Variants in CAMK1D observed in about 807,000 individuals in gnomAD.
The protein encoded by CAMK1D is calcium/calmodulin dependent protein kinase ID.
Under a neutral mutation model 47.7 loss-of-function variants are expected in CAMK1D, and 9 were observed. That is an observed-to-expected ratio of 0.19 (90% confidence interval 0.11 to 0.33). CAMK1D has a LOEUF of 0.33. Ranked by LOEUF, CAMK1D falls within the 10% of genes least tolerant of loss-of-function variation. The probability of loss-of-function intolerance (pLI) is 1.00; values close to 1 mark genes in which losing one functional copy is unlikely to be tolerated. For synonymous variants in CAMK1D, 184 were observed against 184.9 expected, an observed-to-expected ratio of 0.99 and a Z score of 0.04; for missense variants, 291 against 488.7, an observed-to-expected ratio of 0.60 and a Z score of 3.81.
intron 3 of CAMK1D, among the ~76,000 whole-genome samples, chr10:12,693,634 C>G (rs763014094): frequency 5.3e-5 from 8 of 151,284 alleles, no homozygotes; most frequent in East Asian, 3.9e-4. Flanking sequence ...CCTGTCCCCC[C>G]CTAAAAAAGA....
At chr10:12,636,807 T>C (rs1839524486) in intron 2 of CAMK1D, among the ~76,000 whole-genome samples, 1 of 152,184 alleles carries the variant, frequency 6.6e-6, no homozygotes, top group Non-Finnish European at 1.5e-5. Context: ...CATCTTGCCT[T>C]CTGTCAGTAA....
rs756695615 is a variant in CAMK1D at position 12,349,815 on chromosome 10, G to T, written c.-4G>T. 9 of 1,437,316 alleles carry T rather than the reference G, an allele frequency of 6.3e-6. No individual in the cohort carries two copies. The highest frequency in any genetic ancestry group is 8.3e-6 in the Non-Finnish European group (9 of 1,078,516). The allele number at this position is 1,437,316 out of a possible 1,614,324, so 89.0% of individuals were successfully genotyped here. On this transcript the variant is annotated 5_prime_UTR_variant, in exon 1 of 11. Coordinates refer to ENST00000619168, the MANE Select transcript of CAMK1D (RefSeq NM_153498.4). ...GCCGCTCCTCCGCGCCGCGCTCGTCGGCCATGGCCCGGGAGAACGGCGAGA... is the reference window on the plus strand; with the variant it reads ...GCCGCTCCTCCGCGCCGCGCTCGTCTGCCATGGCCCGGGAGAACGGCGAGA...
At chr10:12,690,500 G>A (rs1564494645) in intron 3 of CAMK1D, among the ~76,000 whole-genome samples, 1 of 152,012 alleles carries the variant, frequency 6.6e-6, no homozygotes, top group African/African-American at 2.4e-5. Context: ...TTATGAGGGG[G>A]GTCAAGTGCC....
intron 3 of CAMK1D, among the ~76,000 whole-genome samples, chr10:12,739,106 G>A (rs947706098): frequency 1.3e-5 from 2 of 151,554 alleles, no homozygotes; most frequent in Non-Finnish European, 2.9e-5. Context: ...GCGTGGTGGT[G>A]TGTACTTGTG....
At chr10:12,476,688 G>A (rs1243624763) in intron 1 of CAMK1D, among the ~76,000 whole-genome samples, 1 of 152,130 alleles carries the variant, frequency 6.6e-6, no homozygotes, top group African/African-American at 2.4e-5. Context: ...GAAACTGGGA[G>A]GATAATTTGA....
rs1833471734 is a variant in CAMK1D at position 12,834,440 on chromosome 10, G to A, written c.*5553G>A. 4 of 152,114 alleles carry A rather than the reference G, an allele frequency of 2.6e-5. No individual in the cohort carries two copies. The allele number at this position is 152,114 out of a possible 1,614,324, so 9.4% of individuals were successfully genotyped here. Reference sequence around the variant, plus strand: ...GCTTTTGCAAACCCAAAAAGGCTGTGCATTTGGAAGCCAAACGCTCAGCAT... The same window carrying A: ...GCTTTTGCAAACCCAAAAAGGCTGTACATTTGGAAGCCAAACGCTCAGCAT... On this transcript the variant is annotated 3_prime_UTR_variant, in exon 11 of 11. Transcript: ENST00000619168.
chr10:12,385,277 C>T (rs1009744656), intron 1 of CAMK1D, among the ~76,000 whole-genome samples: 6 of 152,106 alleles, frequency 3.9e-5, no homozygotes, highest in Non-Finnish European at 8.8e-5. Flanking sequence ...AAAATATGTG[C>T]CCATATGAAA....
rs967156331 is a variant in CAMK1D at position 12,782,107 on chromosome 10, C to T, written c.566-9051C>T. ...CCAACAGAAAAGATCAGAGCTGTCC[C>T]AAAAGCCTTCTGCTCTTCTTCTGTG... On this transcript the variant is annotated intron_variant, in intron 5 of 10. Transcript: ENST00000619168. 3.3e-5 allele frequency among the ~76,000 whole-genome samples: 5 copies of T among 151,990 alleles called. No individual in the cohort carries two copies. The South Asian group carries it at 1.0e-3, about 32-fold the overall frequency.
intron 2 of CAMK1D, among the ~76,000 whole-genome samples, chr10:12,565,435 G>T (rs951342455): frequency 6.6e-6 from 1 of 152,024 alleles, no homozygotes; most frequent in Non-Finnish European, 1.5e-5. Context: ...TGTATTTTTA[G>T]TAGAGACGGG....
At chr10:12,745,525 T>G (rs1835630219) in intron 3 of CAMK1D, among the ~76,000 whole-genome samples, 1 of 151,952 alleles carries the variant, frequency 6.6e-6, no homozygotes, top group South Asian at 2.1e-4. Context: ...CTTACATGAG[T>G]TTTTCAAGTG....
At chr10:12,723,712 A>T (rs534885017) in intron 3 of CAMK1D, among the ~76,000 whole-genome samples, 45 of 152,300 alleles carry the variant, frequency 3.0e-4, no homozygotes, top group African/African-American at 1.1e-3. Flanking sequence ...GCAGTAGTTT[A>T]AAACTCTATT....
At chr10:12,576,110 C>T (rs1837482060) in intron 2 of CAMK1D, among the ~76,000 whole-genome samples, 1 of 152,172 alleles carries the variant, frequency 6.6e-6, no homozygotes, top group African/African-American at 2.4e-5. Flanking sequence ...AAAATGTGAA[C>T]TGCATTGTTC....
chr10:12,411,201 G>A (rs895807036), intron 1 of CAMK1D, among the ~76,000 whole-genome samples: 14 of 152,298 alleles, frequency 9.2e-5, no homozygotes, highest in African/African-American at 2.6e-4. Flanking sequence ...CGACTAGCCC[G>A]CTATGTCATG....
intron 1 of CAMK1D, among the ~76,000 whole-genome samples, chr10:12,393,819 G>T (rs1838835101): frequency 6.6e-6 from 1 of 152,236 alleles, no homozygotes; most frequent in Admixed American, 6.5e-5. Flanking sequence ...TTGACATCAA[G>T]GGCGGGAGGT....
chr10:12,402,312 C>T (rs1839258041), intron 1 of CAMK1D, among the ~76,000 whole-genome samples: 1 of 152,076 alleles, frequency 6.6e-6, no homozygotes. Flanking sequence ...CAGCTCACTT[C>T]AGTCTCTACC....
intron 3 of CAMK1D, among the ~76,000 whole-genome samples, chr10:12,712,234 A>G (rs1324717716): frequency 6.6e-6 from 1 of 152,162 alleles, no homozygotes; most frequent in Non-Finnish European, 1.5e-5. Flanking sequence ...ATAGGAGCTG[A>G]TGTTTTTGGA....
intron 6 of CAMK1D, among the ~76,000 whole-genome samples, chr10:12,793,393 C>T (rs922309753): frequency 2.0e-5 from 3 of 152,148 alleles, no homozygotes; most frequent in African/African-American, 7.2e-5. Flanking sequence ...GGCATTGGTA[C>T]AGCTCTGGTT....
chr10:12,489,785 A>G lies in CAMK1D; in HGVS notation c.93-63440A>G, dbSNP rs538587351. On this transcript the variant is annotated intron_variant, in intron 1 of 10. Transcript: ENST00000619168. ...CATCATTTCTGAGCTGTTATCTGCA[A>G]CTCTCACAGAAGTTTGCCTGAGGTG... 1.4e-3 allele frequency among the ~76,000 whole-genome samples: 211 copies of G among 151,872 alleles called. 2 individuals are homozygous for G. Among genetic ancestry groups the G allele is most frequent in the Non-Finnish European group, 1.7e-3 (114 of 67,922 alleles).
At chr10:12,648,800 A>G (rs1217728911) in intron 2 of CAMK1D, among the ~76,000 whole-genome samples, 1 of 152,106 alleles carries the variant, frequency 6.6e-6, no homozygotes, top group Non-Finnish European at 1.5e-5. Flanking sequence ...CACTTCAAAG[A>G]TCCTTTTTTA....
Sources: allele counts gnomAD v4.1 joint callset (sites outside exome capture counted in the v4.1 genomes callset), GRCh38; gene constraint gnomAD v4.1.1; transcripts MANE v1.5; gene names NCBI Gene and HGNC (gene_info 2026-07-23, HGNC 2026-07-21).